The following KRT6C variants were observed in gnomAD, a reference collection of about 807,000 sequenced individuals.
The protein encoded by KRT6C is keratin 6C.
A neutral mutation model predicts 49.4 loss-of-function variants in KRT6C; 46 were observed. The observed-to-expected ratio is 0.93, with a 90% CI of 0.74 to 1.19. KRT6C has a LOEUF of 1.19. KRT6C is among the 50% of genes most tolerant of loss of function. The pLI is 0.00. For missense variants in KRT6C, 552 were observed against 737.5 expected (o/e 0.75, Z 2.91); for synonymous variants, 236 against 297.1 (o/e 0.79, Z 2.12).
At chr12:52,471,369 TC>T (rs1937879180) in intron 4 of KRT6C, 51 bp downstream of exon 4, 1 of 1,613,980 alleles carries the variant, frequency 6.2e-7, no homozygotes, top group African/African-American at 1.3e-5. Context: ...ATACATCTTC[TC>T]CCCTTTGCAG....
At position 52,471,234 on chromosome 12, in the gene KRT6C, G is replaced by T. The variant is rs1937874925; in HGVS notation, c.975C>A (p.Asn325Lys). The T allele has an allele frequency of 1.2e-6, 2 of 1,614,204 alleles. No individual in the cohort carries two copies. The highest frequency in any genetic ancestry group is 2.2e-5 in the East Asian group (1 of 44,872). ...DTSVVLSMDNNRNLDLDSIIA... is the reference protein window; with the variant it reads ...DTSVVLSMDNKRNLDLDSIIA... ...TGATGCTGTCCAGGTCCAGGTTGCG[G>T]TTGTTGTCCATGGATAGCACCACGG... The change falls in exon 5 of 9, where the codon AAC (asparagine) becomes AAA (lysine). Residue 325 changes from asparagine (N) to lysine (K), a missense_variant. Around this residue, in one of 3 missense-constraint regions of KRT6C, gnomAD observed 425 missense variants for 439.4 expected, o/e 0.97. Coordinates refer to ENST00000252250, the MANE Select transcript of KRT6C (RefSeq NM_173086.5).
In KRT6C at chr12:52,471,517, C is replaced by T. The variant is rs1412037278; in HGVS notation, c.817-1G>A. 6.2e-7 allele frequency: 1 copy of T among 1,613,388 alleles called. No homozygotes were observed. The highest frequency in any genetic ancestry group is 8.5e-7 in the Non-Finnish European group (1 of 1,179,750). Reference sequence around the variant, plus strand: ...TGTTCATGTAGGCAGCATCCACATCCTGGGGAAAGAGCCAACAACCTGGAG... The same window carrying T: ...TGTTCATGTAGGCAGCATCCACATCTTGGGGAAAGAGCCAACAACCTGGAG... On this transcript the variant is annotated splice_acceptor_variant, in intron 3 of 8. Coordinates refer to ENST00000252250, the MANE Select transcript of KRT6C (RefSeq NM_173086.5). LOFTEE classifies it high-confidence loss of function.
In KRT6C at chr12:52,468,902, TATAGAC is replaced by T. The variant is rs1402548040; in HGVS notation, c.*154_*159del. The T allele has an allele frequency of 7.2e-6, 6 of 832,644 alleles. No homozygotes were observed. The highest frequency in any genetic ancestry group is 3.6e-4 in the Middle Eastern group (1 of 2,790). The allele number at this position is 832,644 out of a possible 1,614,324, so 51.6% of individuals were successfully genotyped here. On this transcript the variant is annotated 3_prime_UTR_variant, in exon 9 of 9. Coordinates refer to ENST00000252250, the MANE Select transcript of KRT6C (RefSeq NM_173086.5). ...GCAATGGGTGCTCAGATGGGGCAGG[TATAGAC>T]AGAGAGAAGTGAGGGCACTAAGCAT... is the stretch of plus-strand genomic sequence containing the variant.
rs773905606 is a variant in KRT6C, at chr12:52,472,179, G to A, written c.642C>T (p.Phe214=). 4.0e-6 allele frequency: 6 copies of A among 1,485,112 alleles called. No homozygotes were observed. Among genetic ancestry groups the A allele is most frequent in the African/African-American group, 1.3e-5 (1 of 74,244 alleles). 92.0% of individuals were successfully genotyped at this position (1,485,112 alleles called of 1,614,324 possible). ...KTVRQNLEPL[F]EQYINNLRRQ... ...TCCTGAGGTTGTTGATGTACTGCTC[G>A]AACAACGGCTCCAGGTTCTGCCTCA... The change falls in exon 2 of 9, where the codon TTC becomes TTT. Residue 214 remains phenylalanine (F), a synonymous_variant. Transcript: ENST00000252250.
rs12298348 is a variant in KRT6C, at chr12:52,472,120, C to A, written c.701G>T (p.Arg234Leu). ...CATGTTTCTCAGCTCCGAGTCCAGG[C>A]GGCCCCGTTCCCCGACGATGCTGTC... ...QLDSIVGERG[R>L]LDSELRNMQD... Residue 234 changes from arginine to leucine, a missense_variant, in exon 2 of 9, where the codon CGC becomes CTC. Physicochemically the swap from Arg to Leu is moderately radical, Grantham distance 102. This residue lies in a region of KRT6C where 425 missense variants were observed against 439.4 expected (regional missense o/e 0.97). Transcript: ENST00000252250. 6 of 1,598,092 alleles carry A rather than the reference C, an allele frequency of 3.8e-6. No homozygotes were observed. The highest frequency in any genetic ancestry group is 3.4e-5 in the Admixed American group (2 of 58,564).
rs763786773 is a variant in KRT6C, at chr12:52,471,098, A to T, written c.1077+34T>A. On this transcript the variant is annotated intron_variant, in intron 5 of 8. Coordinates refer to ENST00000252250, the MANE Select transcript of KRT6C (RefSeq NM_173086.5). The stretch of plus-strand genomic sequence containing the variant: ...CCTCTGGTATTCCAGGATGGACACA[A>T]GGATTCCTCAGCAGCTGCCCACTCC... 8.7e-6 allele frequency: 14 copies of T among 1,614,174 alleles called. No homozygotes were observed. The East Asian group carries it at 2.5e-4, about 28-fold the overall frequency.
intron 1 of KRT6C, among the ~76,000 whole-genome samples, chr12:52,472,600 T>C (rs1289790115): frequency 3.7e-5 from 5 of 135,304 alleles, no homozygotes; most frequent in African/African-American, 1.2e-4. Context: ...CCTGATATAT[T>C]GTACACAGTT....
Position 52,472,599 on chromosome 12 carries a change from T to C in KRT6C, c.541-319A>G, listed in dbSNP as rs1937907260. Among the ~76,000 whole-genome samples the C allele has an allele frequency of 3.0e-5, 4 of 135,344 alleles. 2 individuals carry two copies. The allele number at this position is 135,344 out of a possible 152,430, so 88.8% of individuals were successfully genotyped here. A position where few individuals can be genotyped will look rare whatever the true frequency, so the allele number is the denominator to read the frequency against. On this transcript the variant is annotated intron_variant, in intron 1 of 8. Coordinates refer to ENST00000252250, the MANE Select transcript of KRT6C (RefSeq NM_173086.5). Reference sequence around the variant, plus strand: ...TTAAAAATACTAATTACCTGATATATTGTACACAGTTTTTTTACTGATAGG... The same window carrying C: ...TTAAAAATACTAATTACCTGATATACTGTACACAGTTTTTTTACTGATAGG...
At chr12:52,471,612 G>C in intron 3 of KRT6C, 60 bp downstream of exon 3, 1 of 1,520,120 alleles carries the variant, frequency 6.6e-7, no homozygotes, top group Non-Finnish European at 9.1e-7. Context: ...AGGGGAGCGA[G>C]GACACAGAGC....
At chr12:52,469,515 C>T in intron 7 of KRT6C, 70 bp from the exon 8 acceptor site, 1 of 1,613,702 alleles carries the variant, frequency 6.2e-7, no homozygotes, top group South Asian at 1.1e-5. Flanking sequence ...TGTGGGCAGC[C>T]TCGGTGGGTG....
At chr12:52,471,577 C>G in intron 3 of KRT6C, 61 bp from the exon 4 acceptor site, 1 of 1,539,980 alleles carries the variant, frequency 6.5e-7, no homozygotes, top group Non-Finnish European at 8.8e-7. Flanking sequence ...TACCCATCTT[C>G]TAGTCCTCCT....
rs77992817 is a variant in KRT6C, at chr12:52,470,073, T to A, written c.1204-183A>T. 338 of 760,598 alleles carry A rather than the reference T, an allele frequency of 4.4e-4. 2 individuals carry two copies. The East Asian group carries it at 8.6e-3, about 19-fold the overall frequency. The allele number at this position is 760,598 out of a possible 1,614,324, so 47.1% of individuals were successfully genotyped here. ...CTGGGAGTCAAGTGACAAAGTCCTA[T>A]GCCCCTTGTATTAAGCACCCGCATG... is the stretch of plus-strand genomic sequence containing the variant. On this transcript the variant is annotated intron_variant, in intron 6 of 8. Coordinates refer to ENST00000252250, the MANE Select transcript of KRT6C (RefSeq NM_173086.5).
rs750572343 is a variant in KRT6C, at chr12:52,469,287, C to G, written c.1470G>C (p.Gln490His). 2 of 1,613,960 alleles carry G rather than the reference C, an allele frequency of 1.2e-6. No individual in the cohort carries two copies. The highest frequency in any genetic ancestry group is 2.2e-5 in the South Asian group (2 of 91,072). ...GVGQVNVSVV[Q>H]STISSGYGGA... The stretch of plus-strand genomic sequence containing the variant: ...CGCCATAGCCACTGGAGATGGTGGA[C>G]TGTACTACAGCTGTGGTGGGGAGGG... The change falls in exon 9 of 9, where the codon CAG (glutamine) becomes CAC (histidine). Residue 490 changes from glutamine to histidine, a missense_variant. By Grantham distance (24) the Gln-to-His change is conservative (BLOSUM62 0). Around this residue, in one of 3 missense-constraint regions of KRT6C, gnomAD observed 425 missense variants for 439.4 expected, o/e 0.97. Transcript: ENST00000252250.
rs745983620 is a variant in KRT6C, at chr12:52,471,237, G to A, written c.972C>T (p.Asn324=). The A allele has an allele frequency of 9.3e-6, 15 of 1,614,090 alleles. No individual in the cohort carries two copies. Among genetic ancestry groups the A allele is most frequent in the Non-Finnish European group, 5.1e-6 (6 of 1,180,054 alleles). ...TGCTGTCCAGGTCCAGGTTGCGGTT[G>A]TTGTCCATGGATAGCACCACGGATG... The part of the protein sequence containing the change: ...SDTSVVLSMD[N]NRNLDLDSII... Residue 324 remains asparagine (N), a synonymous_variant, in exon 5 of 9, where the codon AAC becomes AAT. Transcript: ENST00000252250.
Position 52,469,083 on chromosome 12 carries a change from G to T in KRT6C, c.1674C>A (p.Ser558Arg), listed in dbSNP as rs374282576. The change falls in exon 9 of 9, where the codon AGC (serine) becomes AGA (arginine). Residue 558 changes from serine to arginine, a missense_variant. This residue lies in a region of KRT6C where 425 missense variants were observed against 439.4 expected (regional missense o/e 0.97). Transcript: ENST00000252250. The part of the protein sequence containing the change: ...TIKYTTTSSS[S>R]RKSYKH ...CACTTTAGTGCTTGTAGCTCTTCCTGCTGGAGGAGGAGGTGGTGGTGTACT... is the reference window on the plus strand; with the variant it reads ...CACTTTAGTGCTTGTAGCTCTTCCTTCTGGAGGAGGAGGTGGTGGTGTACT... The T allele has an allele frequency of 6.2e-7, 1 of 1,614,122 alleles. No homozygotes were observed. Among genetic ancestry groups the T allele is most frequent in the Non-Finnish European group, 8.5e-7 (1 of 1,179,988 alleles).
rs1937871881 is a variant in KRT6C at position 52,471,140 on chromosome 12, G to T, written c.1069C>A (p.Gln357Lys). The change falls in exon 5 of 9, where the codon CAG becomes AAG. Residue 357 changes from glutamine (Q) to lysine (K), a missense_variant. Coordinates refer to ENST00000252250, the MANE Select transcript of KRT6C (RefSeq NM_173086.5). Reference protein sequence around the residue: ...RSRAEAESWYQTKYEELQVTA... With the variant: ...RSRAEAESWYKTKYEELQVTA... Reference sequence around the variant, plus strand: ...GCCCACTCCCTGCTCACCTTGGTCTGGTACCAGGACTCAGCCTCAGCCCGG... The same window carrying T: ...GCCCACTCCCTGCTCACCTTGGTCTTGTACCAGGACTCAGCCTCAGCCCGG... The T allele has an allele frequency of 1.9e-6, 3 of 1,614,026 alleles. No individual in the cohort carries two copies. The highest frequency in any genetic ancestry group is 1.7e-6 in the Non-Finnish European group (2 of 1,180,044).
At position 52,469,767 on chromosome 12, in the gene KRT6C, G is replaced by T. The variant is rs755081735; in HGVS notation, c.1327C>A (p.Arg443=). 22 of 1,613,968 alleles carry T rather than the reference G, an allele frequency of 1.4e-5. 1 individual carries two copies. The highest frequency in any genetic ancestry group is 8.5e-7 in the Non-Finnish European group (1 of 1,180,008). ...ALQKAKQDLA[R]LLKEYQELMN... Reference sequence around the variant, plus strand: ...AGCTCCTGGTACTCCTTCAGCAGCCGGGCCAGGTCCTGCTTGGCCTTCTGC... The same window carrying T: ...AGCTCCTGGTACTCCTTCAGCAGCCTGGCCAGGTCCTGCTTGGCCTTCTGC... Residue 443 remains arginine (R), a synonymous_variant, in exon 7 of 9, where the codon CGG becomes AGG. Transcript: ENST00000252250.
At position 52,472,050 on chromosome 12, in the gene KRT6C, G is replaced by A. The variant is rs777096933; in HGVS notation, c.755+16C>T. The stretch of plus-strand genomic sequence containing the variant: ...AATAGTCTTGAAGTGTGTGCTGCAG[G>A]AAATGGAGTCCTCACTTGTTCTTGA... On this transcript the variant is annotated intron_variant, in intron 2 of 8. Transcript: ENST00000252250. The A allele has an allele frequency of 5.9e-6, 9 of 1,521,184 alleles. 1 individual carries two copies. In the East Asian group the frequency reaches 2.7e-4, roughly 46 times the overall value. 94.2% of individuals were successfully genotyped at this position (1,521,184 alleles called of 1,614,324 possible). A position where few individuals can be genotyped will look rare whatever the true frequency, so the allele number is the denominator to read the frequency against.
chr12:52,469,666 C>T lies in KRT6C; in HGVS notation c.1424+4G>A. The T allele has an allele frequency of 6.2e-7, 1 of 1,614,188 alleles. No individual in the cohort carries two copies. The highest frequency in any genetic ancestry group is 8.5e-7 in the Non-Finnish European group (1 of 1,180,030). ...TGTTGGAGGAAGTCGCGTCAGTTAC[C>T]TACCTGCACTCCTCGCCCTCCAGCA... On this transcript the variant is annotated splice_donor_region_variant and intron_variant, in intron 7 of 8. Coordinates refer to ENST00000252250, the MANE Select transcript of KRT6C (RefSeq NM_173086.5).
Sources: allele counts gnomAD v4.1 joint callset (sites outside exome capture counted in the v4.1 genomes callset), GRCh38; gene constraint gnomAD v4.1.1; regional missense constraint gnomAD v4.1.1; transcripts MANE v1.5; gene names NCBI Gene and HGNC (gene_info 2026-07-23, HGNC 2026-07-21).